The following LHFPL4 variants were observed in gnomAD, a reference collection of about 807,000 sequenced individuals.
LHFPL4 encodes LHFPL tetraspan subfamily member 4.
Under a neutral mutation model 20.0 loss-of-function variants are expected in LHFPL4, and 6 were observed. The observed-to-expected ratio is 0.30, with a 90% CI of 0.16 to 0.59. LHFPL4 has a LOEUF of 0.59. Ranked by LOEUF, LHFPL4 falls within the 20% of genes least tolerant of loss-of-function variation. The pLI, the probability that LHFPL4 is intolerant of heterozygous loss-of-function variation, is 0.88. For missense variants in LHFPL4, 215 were observed against 331.2 expected (o/e 0.65, Z 2.72); for synonymous variants, 129 against 143.8 (o/e 0.90, Z 0.74).
intron 1 of LHFPL4, among the ~76,000 whole-genome samples, 155 bp downstream of exon 1, chr3:9,553,530 G>A (rs2046571491): frequency 1.3e-5 from 2 of 149,862 alleles, no homozygotes; most frequent in South Asian, 4.2e-4. Context: ...GAGCAGCGGG[G>A]CCCGCGAGGA....
chr3:9,552,749 CTGCCG>C lies in LHFPL4; in HGVS notation c.-75_-71del. The stretch of plus-strand genomic sequence containing the variant: ...CGCCGGCCCGGGACGGAGCGCCGGG[CTGCCG>C]GGCGGGAGCTGGGGACGCACGCGAG... On this transcript the variant is annotated 5_prime_UTR_variant, in exon 2 of 4. Transcript: ENST00000287585. The C allele has an allele frequency of 1.0e-6, 1 of 982,864 alleles. No individual in the cohort carries two copies. Among genetic ancestry groups the C allele is most frequent in the Non-Finnish European group, 1.3e-6 (1 of 796,484 alleles). The allele number at this position is 982,864 out of a possible 1,614,324, so 60.9% of individuals were successfully genotyped here.
intron 2 of LHFPL4, among the ~76,000 whole-genome samples, chr3:9,550,129 T>C (rs1271841553): frequency 2.0e-5 from 3 of 152,228 alleles, no homozygotes; most frequent in East Asian, 3.8e-4. Flanking sequence ...TAACACTGCA[T>C]GGTGAGTCAC....
chr3:9,536,813 G>A (rs2046447024), intron 2 of LHFPL4, among the ~76,000 whole-genome samples: 1 of 151,892 alleles, frequency 6.6e-6, no homozygotes. Context: ...AAAATTAGCA[G>A]GAGGCTGAGG....
At chr3:9,531,839 A>C (rs530599182) in intron 2 of LHFPL4, among the ~76,000 whole-genome samples, 2 of 152,078 alleles carry the variant, frequency 1.3e-5, no homozygotes, top group Non-Finnish European at 2.9e-5. Context: ...AGACTAAAAA[A>C]CTAAAGGAGA....
At chr3:9,511,681 CT>C (rs1436274228) in intron 2 of LHFPL4, among the ~76,000 whole-genome samples, 1 of 152,166 alleles carries the variant, frequency 6.6e-6, no homozygotes, top group East Asian at 1.9e-4. Context: ...ATACTTTTGC[CT>C]GCCTAGTGCT....
chr3:9,519,352 G>A (rs1050764464), intron 2 of LHFPL4, among the ~76,000 whole-genome samples: 6 of 152,078 alleles, frequency 3.9e-5, no homozygotes, highest in Admixed American at 2.6e-4. Context: ...TGGAATTACA[G>A]GCATGAGCCA....
chr3:9,552,017 C>T (rs1258940905), intron 2 of LHFPL4, among the ~76,000 whole-genome samples: 1 of 152,070 alleles, frequency 6.6e-6, no homozygotes, highest in Non-Finnish European at 1.5e-5. Context: ...TAATGCTAAC[C>T]GAGCAATAAA....
intron 2 of LHFPL4, among the ~76,000 whole-genome samples, chr3:9,512,259 C>T (rs2046266376): frequency 6.6e-6 from 1 of 152,092 alleles, no homozygotes; most frequent in African/African-American, 2.4e-5. Flanking sequence ...GTCAGTTTCC[C>T]CCTCTGGGCC....
At chr3:9,525,206 C>G (rs938175029) in intron 2 of LHFPL4, among the ~76,000 whole-genome samples, 1 of 152,172 alleles carries the variant, frequency 6.6e-6, no homozygotes, top group Non-Finnish European at 1.5e-5. Flanking sequence ...CAATATTCAC[C>G]GTAAGAACTT....
chr3:9,548,786 A>T (rs1016897471), intron 2 of LHFPL4, among the ~76,000 whole-genome samples: 1 of 152,210 alleles, frequency 6.6e-6, no homozygotes, highest in African/African-American at 2.4e-5. Flanking sequence ...GGCCTTAGAC[A>T]GAGTCACCAT....
chr3:9,524,573 G>T (rs762729494), intron 2 of LHFPL4, among the ~76,000 whole-genome samples: 10 of 152,072 alleles, frequency 6.6e-5, no homozygotes, highest in Non-Finnish European at 1.2e-4. Context: ...CTGTTACAGT[G>T]TTTTTTATCT....
At chr3:9,526,188 G>A (rs1277442937) in intron 2 of LHFPL4, among the ~76,000 whole-genome samples, 1 of 152,152 alleles carries the variant, frequency 6.6e-6, no homozygotes, top group Non-Finnish European at 1.5e-5. Context: ...CAAATTCACA[G>A]AGACAGAAGG....
At chr3:9,541,470 T>G (rs1037779459) in intron 2 of LHFPL4, among the ~76,000 whole-genome samples, 1 of 152,146 alleles carries the variant, frequency 6.6e-6, no homozygotes, top group Non-Finnish European at 1.5e-5. Flanking sequence ...TATACAAATA[T>G]TAACTCAAAG....
chr3:9,528,967 G>C (rs1350216827), intron 2 of LHFPL4, among the ~76,000 whole-genome samples: 2 of 149,904 alleles, frequency 1.3e-5, no homozygotes, highest in Non-Finnish European at 3.0e-5. Flanking sequence ...GCCCAGGCTG[G>C]AGTGCAGTAG....
intron 2 of LHFPL4, among the ~76,000 whole-genome samples, chr3:9,533,867 A>G (rs770460731): frequency 1.3e-5 from 2 of 151,856 alleles, no homozygotes; most frequent in Non-Finnish European, 2.9e-5. Context: ...TTTCATAGTC[A>G]TGTTCACTTT....
intron 2 of LHFPL4, among the ~76,000 whole-genome samples, chr3:9,511,827 C>T (rs1277894507): frequency 6.6e-5 from 10 of 152,090 alleles, no homozygotes; most frequent in African/African-American, 2.4e-4. Flanking sequence ...ACCATGTGCT[C>T]GCCACTGGCT....
At chr3:9,526,419 C>T (rs1173112725) in intron 2 of LHFPL4, among the ~76,000 whole-genome samples, 1 of 151,934 alleles carries the variant, frequency 6.6e-6, no homozygotes, top group Non-Finnish European at 1.5e-5. Flanking sequence ...TAAGAAAATG[C>T]GGGAAAAAAG....
intron 2 of LHFPL4, among the ~76,000 whole-genome samples, chr3:9,549,233 A>T (rs926834576): frequency 6.6e-6 from 1 of 152,230 alleles, no homozygotes; most frequent in Non-Finnish European, 1.5e-5. Flanking sequence ...TATAGACCTA[A>T]GATCCTTGGA....
At chr3:9,509,842 C>A (rs1263899399) in intron 2 of LHFPL4, among the ~76,000 whole-genome samples, 1 of 152,204 alleles carries the variant, frequency 6.6e-6, no homozygotes, top group Non-Finnish European at 1.5e-5. Flanking sequence ...AGAGGGCCAA[C>A]CATCAGGAGA....
Sources: gnomAD v4.1 joint callset for allele counts (sites outside exome capture counted in the v4.1 genomes callset) on GRCh38, gnomAD v4.1.1 for gene constraint, MANE v1.5 for transcripts, NCBI Gene and HGNC (gene_info 2026-07-23, HGNC 2026-07-21) for gene names.